Variants in UGT2B28 observed in about 807,000 individuals in gnomAD.
UGT2B28 encodes UDP glucuronosyltransferase family 2 member B28.
A neutral mutation model predicts 43.6 loss-of-function variants in UGT2B28; 45 were observed. The observed-to-expected ratio is 1.03, with a 90% CI of 0.81 to 1.32. UGT2B28 has a LOEUF of 1.32. UGT2B28 is among the 40% of genes most tolerant of loss of function. The probability of loss-of-function intolerance (pLI) is 0.00; values close to 1 mark genes in which losing one functional copy is unlikely to be tolerated. For missense variants in UGT2B28, 649 were observed against 625.5 expected (o/e 1.04, Z -0.40); for synonymous variants, 204 against 208.1 (o/e 0.98, Z 0.17).
chr4:69,287,400 A>T (rs931530215), intron 3 of UGT2B28, among the ~76,000 whole-genome samples: 2 of 140,738 alleles, frequency 1.4e-5, no homozygotes, highest in Non-Finnish European at 3.0e-5. Context: ...AGTGAAGAAG[A>T]TTTGACTTAC....
chr4:69,286,808 G>T lies in UGT2B28; in HGVS notation c.927G>T (p.Leu309=), dbSNP rs1723789119. 1 of 1,556,498 alleles carries T rather than the reference G, an allele frequency of 6.4e-7. No homozygotes were observed. The highest frequency in any genetic ancestry group is 8.7e-7 in the Non-Finnish European group (1 of 1,154,548). ...AAAATGGTGTTGTGGTGTTTTCTCT[G>T]GGGTCAGTGATAAGTAACATGACAG... is the stretch of plus-strand genomic sequence containing the variant. ...SGENGVVVFS[L]GSVISNMTAE... Residue 309 remains leucine, a synonymous_variant, in exon 3 of 6, where the codon CTG becomes CTT. Transcript: ENST00000335568.
intron 2 of UGT2B28, 143 bp from the exon 3 acceptor site, chr4:69,286,609 G>T: frequency 8.2e-7 from 1 of 1,221,730 alleles, no homozygotes; most frequent in Non-Finnish European, 1.1e-6. Flanking sequence ...AAGAACCTGA[G>T]TGATTGAGTC....
At chr4:69,285,883 C>T (rs1723760263) in intron 2 of UGT2B28, among the ~76,000 whole-genome samples, 1 of 141,010 alleles carries the variant, frequency 7.1e-6, no homozygotes, top group Admixed American at 7.1e-5. Flanking sequence ...TATTCTGGTG[C>T]CAGTGCTGCC....
At chr4:69,291,460 T>A (rs1199307107) in intron 5 of UGT2B28, among the ~76,000 whole-genome samples, 1 of 141,194 alleles carries the variant, frequency 7.1e-6, no homozygotes, top group East Asian at 2.0e-4. Flanking sequence ...AGATATTTCA[T>A]ATAAACGGAA....
In UGT2B28 at chr4:69,285,244, T is replaced by C. The variant is rs1232609951; in HGVS notation, c.871-1508T>C. Among the ~76,000 whole-genome samples the C allele has an allele frequency of 2.8e-5, 4 of 140,680 alleles. 1 individual carries two copies. The highest frequency in any genetic ancestry group is 1.1e-4 in the African/African-American group (4 of 36,040). The allele number at this position is 140,680 out of a possible 152,430, so 92.3% of individuals were successfully genotyped here. ...ACAAAATCCATAATAAAAAAATACA[T>C]ATTTTCTATAAATAATATCTCTAGG... On this transcript the variant is annotated intron_variant, in intron 2 of 5. Transcript: ENST00000335568.
rs544560653 is a variant in UGT2B28 at position 69,285,241 on chromosome 4, A to G, written c.871-1511A>G. On this transcript the variant is annotated intron_variant, in intron 2 of 5. Transcript: ENST00000335568. ...AGGACAAAATCCATAATAAAAAAATACATATTTTCTATAAATAATATCTCT... is the reference window on the plus strand; with the variant it reads ...AGGACAAAATCCATAATAAAAAAATGCATATTTTCTATAAATAATATCTCT... Among the ~76,000 whole-genome samples the G allele has an allele frequency of 1.6e-4, 23 of 140,840 alleles. 2 individuals carry two copies. In the South Asian group the frequency reaches 5.2e-3, roughly 32 times the overall value. The allele number at this position is 140,840 out of a possible 152,430, so 92.4% of individuals were successfully genotyped here. A position where few individuals can be genotyped will look rare whatever the true frequency, so the allele number is the denominator to read the frequency against.
rs761436677 is a variant in UGT2B28 at position 69,284,403 on chromosome 4, G to T, written c.870+1741G>T. 2.1e-5 allele frequency among the ~76,000 whole-genome samples: 3 copies of T among 140,354 alleles called. 1 individual carries two copies. The highest frequency in any genetic ancestry group is 8.4e-5 in the African/African-American group (3 of 35,918). 92.1% of individuals were successfully genotyped at this position (140,354 alleles called of 152,430 possible). ...TGCATTATTACTCAACCTCTTAAAAGAACATTTTTGCTTACATAAAACTGA... is the reference window on the plus strand; with the variant it reads ...TGCATTATTACTCAACCTCTTAAAATAACATTTTTGCTTACATAAAACTGA... On this transcript the variant is annotated intron_variant, in intron 2 of 5. Transcript: ENST00000335568.
chr4:69,283,395 A>G lies in UGT2B28; in HGVS notation c.870+733A>G, dbSNP rs1444523164. Among the ~76,000 whole-genome samples, 2 of 140,314 alleles carry G rather than the reference A, an allele frequency of 1.4e-5. 1 individual carries two copies. Among genetic ancestry groups the G allele is most frequent in the East Asian group, 4.0e-4 (2 of 4,954 alleles). The allele number at this position is 140,314 out of a possible 152,430, so 92.1% of individuals were successfully genotyped here. A position where few individuals can be genotyped will look rare whatever the true frequency, so the allele number is the denominator to read the frequency against. ...AAAAACTACTAAAAAGAGTTAAGAA[A>G]TAAATATATATGAAACGATTCTCTT... On this transcript the variant is annotated intron_variant, in intron 2 of 5. Coordinates refer to ENST00000335568, the MANE Select transcript of UGT2B28 (RefSeq NM_053039.2).
At chr4:69,281,715 C>T (rs971024679) in intron 1 of UGT2B28, among the ~76,000 whole-genome samples, 3 of 139,962 alleles carry the variant, frequency 2.1e-5, no homozygotes, top group East Asian at 2.0e-4. Context: ...AGATAATGTC[C>T]ACATCTCAGA....
At chr4:69,286,946 T>C in intron 3 of UGT2B28, 63 bp downstream of exon 3, 2 of 1,531,236 alleles carry the variant, frequency 1.3e-6, no homozygotes, top group Non-Finnish European at 1.8e-6. Context: ...GTTTGAGATC[T>C]ACACAGAAAG....
chr4:69,284,914 C>A lies in UGT2B28; in HGVS notation c.871-1838C>A, dbSNP rs1223385277. Among the ~76,000 whole-genome samples the A allele has an allele frequency of 1.4e-5, 2 of 139,458 alleles. 1 individual carries two copies. Among genetic ancestry groups the A allele is most frequent in the Non-Finnish European group, 3.1e-5 (2 of 65,546 alleles). The allele number at this position is 139,458 out of a possible 152,430, so 91.5% of individuals were successfully genotyped here. A position where few individuals can be genotyped will look rare whatever the true frequency, so the allele number is the denominator to read the frequency against. ...TGTTATTAATTTTATAATATATTCA[C>A]GTGAAATCATAAAAAAATCAAGTTG... is the stretch of plus-strand genomic sequence containing the variant. On this transcript the variant is annotated intron_variant, in intron 2 of 5. Transcript: ENST00000335568.
In UGT2B28 at chr4:69,281,277, C is replaced by A. The variant is rs1442854890; in HGVS notation, c.721+56C>A. 41 of 1,439,338 alleles carry A rather than the reference C, an allele frequency of 2.8e-5. 3 individuals carry two copies. The highest frequency in any genetic ancestry group is 3.6e-5 in the Non-Finnish European group (40 of 1,100,984). 89.2% of individuals were successfully genotyped at this position (1,439,338 alleles called of 1,614,324 possible). ...ATCTAACTTATTTGTGTCTTTGAAG[C>A]AGAGCTTATATAAAGCCATAAAGTC... On this transcript the variant is annotated intron_variant, in intron 1 of 5. Coordinates refer to ENST00000335568, the MANE Select transcript of UGT2B28 (RefSeq NM_053039.2).
At position 69,287,143 on chromosome 4, in the gene UGT2B28, T is replaced by C. The variant is rs1362554784; in HGVS notation, c.1002+260T>C. Among the ~76,000 whole-genome samples, 7 of 140,052 alleles carry C rather than the reference T, an allele frequency of 5.0e-5. 2 individuals are homozygous for C. The highest frequency in any genetic ancestry group is 9.1e-5 in the Non-Finnish European group (6 of 65,628). 91.9% of individuals were successfully genotyped at this position (140,052 alleles called of 152,430 possible). A position where few individuals can be genotyped will look rare whatever the true frequency, so the allele number is the denominator to read the frequency against. On this transcript the variant is annotated intron_variant, in intron 3 of 5. Coordinates refer to ENST00000335568, the MANE Select transcript of UGT2B28 (RefSeq NM_053039.2). ...CAGTGGGAACTCAGTACTCCATATGTATCCACAAAAGGGAACTTGAGACCC... is the reference window on the plus strand; with the variant it reads ...CAGTGGGAACTCAGTACTCCATATGCATCCACAAAAGGGAACTTGAGACCC...
At chr4:69,290,900 G>C (rs1723937869) in intron 5 of UGT2B28, 89 bp downstream of exon 5, 9 of 1,362,254 alleles carry the variant, frequency 6.6e-6, no homozygotes, top group Non-Finnish European at 8.7e-6. Context: ...TTTTATAAGA[G>C]AGTAATCTTG....
In UGT2B28 at chr4:69,282,966, A is replaced by T. The variant is rs556711647; in HGVS notation, c.870+304A>T. ...TTCAAAGAATATTTATAAAGGGATT[A>T]GCACAAAACACAAGTAAGTGCAGAA... On this transcript the variant is annotated intron_variant, in intron 2 of 5. Transcript: ENST00000335568. 1.1e-4 allele frequency among the ~76,000 whole-genome samples: 16 copies of T among 141,038 alleles called. 1 individual carries two copies. Among genetic ancestry groups the T allele is most frequent in the Non-Finnish European group, 2.3e-4 (15 of 65,752 alleles). 92.5% of individuals were successfully genotyped at this position (141,038 alleles called of 152,430 possible).
intron 2 of UGT2B28, among the ~76,000 whole-genome samples, chr4:69,285,065 A>G (rs115629480): frequency 0.052 from 7,316 of 139,402 alleles, 1,163 homozygotes; most frequent in Non-Finnish European, 0.076. Flanking sequence ...TCAATGAAAT[A>G]TTCAATTACA....
Position 69,294,568 on chromosome 4 carries a change from A to G in UGT2B28, c.1349A>G (p.His450Arg). ...ENVMKLSIIQ[H>R]DQPVKPLHRA... is the part of the protein sequence containing the mutation. ...GTTATGAAATTATCAATAATTCAAC[A>G]TGATCAACCAGTAAAGCCCCTGCAT... is the stretch of plus-strand genomic sequence containing the variant. The change falls in exon 6 of 6, where the codon CAT (histidine) becomes CGT (arginine). Residue 450 changes from histidine (H) to arginine (R), a missense_variant. Transcript: ENST00000335568. The G allele has an allele frequency of 1.9e-6, 3 of 1,548,692 alleles. 1 individual carries two copies. The highest frequency in any genetic ancestry group is 2.6e-6 in the Non-Finnish European group (3 of 1,151,166).
chr4:69,294,148 C>A (rs1285809862), intron 5 of UGT2B28, among the ~76,000 whole-genome samples: 1 of 139,630 alleles, frequency 7.2e-6, no homozygotes, highest in African/African-American at 2.8e-5. Context: ...GGATGAATAT[C>A]CTATTTTTCA....
chr4:69,294,760 T>G lies in UGT2B28; in HGVS notation c.1541T>G (p.Phe514Cys), dbSNP rs771495394. 11 of 1,559,022 alleles carry G rather than the reference T, an allele frequency of 7.1e-6. 1 individual carries two copies. The highest frequency in any genetic ancestry group is 8.7e-6 in the Non-Finnish European group (10 of 1,154,984). Residue 514 changes from phenylalanine to cysteine, a missense_variant, in exon 6 of 6, where the codon TTT becomes TGT. Physicochemically the swap from Phe to Cys is radical, Grantham distance 205. Transcript: ENST00000335568. Reference sequence around the variant, plus strand: ...TTTGTCGTCACAAAGTTTTGTCTGTTTTGTTTCTGGAAGTTTGCTAGAAAA... The same window carrying G: ...TTTGTCGTCACAAAGTTTTGTCTGTGTTGTTTCTGGAAGTTTGCTAGAAAA... ...VIFVVTKFCL[F>C]CFWKFARKGK...
Sources: allele counts gnomAD v4.1 joint callset (sites outside exome capture counted in the v4.1 genomes callset), GRCh38; gene constraint gnomAD v4.1.1; transcripts MANE v1.5; gene names NCBI Gene and HGNC (gene_info 2026-07-23, HGNC 2026-07-21).